Variants in TENM1 observed in about 807,000 individuals in gnomAD.
TENM1 encodes the protein teneurin-1.
In TENM1, 35 loss-of-function variants were observed where a neutral mutation model predicts 174.8. The ratio of observed to expected loss-of-function variants is 0.20; its 90% confidence interval spans 0.15 to 0.27. TENM1 has a LOEUF of 0.27. Ranked by LOEUF, TENM1 falls within the 10% of genes least tolerant of loss-of-function variation. The pLI, the probability that TENM1 is intolerant of heterozygous loss-of-function variation, is 1.00. For synonymous variants in TENM1, 781 were observed against 798.7 expected (o/e 0.98, Z 0.37); for missense variants, 1,633 against 2,130.1 (o/e 0.77, Z 4.59).
the TENM1 span, among the ~76,000 whole-genome samples, chrX:125,144,932 G>T: frequency 9.2e-6 from 1 of 109,192 alleles, no homozygotes; most frequent in African/African-American, 3.3e-5. Flanking sequence ...TTTTTTAGTA[G>T]AGACGGGGTT....
At chrX:124,900,706 AT>A (rs1397544982) in intron 1 of TENM1, among the ~76,000 whole-genome samples, 1 of 111,251 alleles carries the variant, frequency 9.0e-6, no homozygotes, top group East Asian at 2.8e-4. Flanking sequence ...GGTAGTCAAA[AT>A]GTCATCTTGC....
intron 23 of TENM1, among the ~76,000 whole-genome samples, chrX:124,446,525 T>A (rs2060967048): frequency 8.9e-6 from 1 of 112,672 alleles, no homozygotes; most frequent in African/African-American, 3.2e-5. Flanking sequence ...GATTCTTCTT[T>A]GGGCTTAGGT....
the TENM1 span, among the ~76,000 whole-genome samples, chrX:124,969,012 T>A: frequency 5.9e-4 from 66 of 112,380 alleles, no homozygotes; most frequent in East Asian, 5.8e-3. Context: ...ATGTGCTTAA[T>A]TGACTTTTTC....
chrX:124,845,363 G>A (rs1032282741), intron 3 of TENM1, among the ~76,000 whole-genome samples: 3 of 111,194 alleles, frequency 2.7e-5, no homozygotes, highest in Non-Finnish European at 3.8e-5. Context: ...GTGGGCCCTA[G>A]ATTTTGTATT....
the TENM1 span, among the ~76,000 whole-genome samples, chrX:124,996,827 TG>T: frequency 9.0e-6 from 1 of 111,395 alleles, no homozygotes; most frequent in Non-Finnish European, 1.9e-5. Context: ...CTTGCCCACT[TG>T]GCCATCATAA....
rs990001658 is a variant in TENM1, at chrX:124,657,615, C to A, written c.1169-3832G>T. Among the ~76,000 whole-genome samples, 7 of 111,762 alleles carry A rather than the reference C, an allele frequency of 6.3e-5. No homozygotes were observed. The Admixed American group carries it at 6.7e-4, about 11-fold the overall frequency. On this transcript the variant is annotated intron_variant, in intron 6 of 31. Coordinates refer to ENST00000422452, the Ensembl canonical transcript of TENM1. ...AGGAGGTAAATAACTATATTCTGCA[C>A]ATATGTGTATATTTATTTTTTCTAT... is the stretch of plus-strand genomic sequence containing the variant.
At chrX:125,144,841 G>A in the TENM1 span, among the ~76,000 whole-genome samples, 4 of 109,560 alleles carry the variant, frequency 3.7e-5, no homozygotes, top group Non-Finnish European at 7.6e-5. Flanking sequence ...GGGTTCAAGC[G>A]ATTCTCCTGC....
At chrX:124,734,706 A>T (rs1343071680) in intron 4 of TENM1, among the ~76,000 whole-genome samples, 1 of 111,678 alleles carries the variant, frequency 9.0e-6, no homozygotes, top group Non-Finnish European at 1.9e-5. Context: ...TTAATTTAAT[A>T]TGCTGCTAAA....
At chrX:124,382,052 C>A (rs746301518) in intron 31 of TENM1, among the ~76,000 whole-genome samples, 18 of 111,127 alleles carry the variant, frequency 1.6e-4, no homozygotes, top group Non-Finnish European at 1.9e-4. Context: ...TTCTATCAAG[C>A]CCATTTTGTT....
intron 18 of TENM1, among the ~76,000 whole-genome samples, chrX:124,507,147 C>G (rs923971286): frequency 9.0e-6 from 1 of 111,463 alleles, no homozygotes; most frequent in East Asian, 2.8e-4. Flanking sequence ...CTCAGAGAAG[C>G]TGTAGAAAGT....
intron 11 of TENM1, among the ~76,000 whole-genome samples, chrX:124,596,968 T>A (rs1242457268): frequency 9.0e-6 from 1 of 111,276 alleles, no homozygotes; most frequent in Non-Finnish European, 1.9e-5. Flanking sequence ...AAAACCACAA[T>A]GTAATACCAC....
At chrX:124,497,863 T>C (rs1041928216) in intron 19 of TENM1, among the ~76,000 whole-genome samples, 29 of 111,738 alleles carry the variant, frequency 2.6e-4, no homozygotes, top group African/African-American at 7.8e-4. Flanking sequence ...GTGCAGGAAA[T>C]AGAGATACTG....
the TENM1 span, among the ~76,000 whole-genome samples, chrX:125,034,064 G>A: frequency 6.3e-5 from 7 of 111,150 alleles, no homozygotes; most frequent in Non-Finnish European, 1.3e-4. Context: ...AGAAACCATG[G>A]CCCAGAGAAA....
At chrX:124,943,949 C>G (rs2058366015) in intron 1 of TENM1, among the ~76,000 whole-genome samples, 1 of 111,586 alleles carries the variant, frequency 9.0e-6, no homozygotes, top group Non-Finnish European at 1.9e-5. Flanking sequence ...TTAGGAAAAA[C>G]CTGCTGCTGA....
At chrX:124,744,222 A>T (rs2053865215) in intron 3 of TENM1, among the ~76,000 whole-genome samples, 3 of 112,105 alleles carry the variant, frequency 2.7e-5, no homozygotes, top group Non-Finnish European at 5.6e-5. Context: ...GTAATTGCTC[A>T]AACTACCTAA....
intron 11 of TENM1, among the ~76,000 whole-genome samples, chrX:124,584,099 G>C (rs1158364306): frequency 1.8e-5 from 2 of 110,450 alleles, no homozygotes; most frequent in African/African-American, 6.6e-5. Context: ...GAACCAAGTT[G>C]GAAAATGCTC....
the TENM1 span, among the ~76,000 whole-genome samples, chrX:125,182,942 T>C: frequency 8.9e-6 from 1 of 112,100 alleles, no homozygotes; most frequent in Admixed American, 9.5e-5. Context: ...AAAATAGATG[T>C]CAGAGGCATT....
Position 124,520,796 on chromosome X carries a change from A to T in TENM1, c.3034-12T>A, listed in dbSNP as rs774111378. ...TCCTCCTGTACAACCTGAAATAAAAAAAAAAAAAAAAAGCCAAATAGGCTC... is the reference window on the plus strand; with the variant it reads ...TCCTCCTGTACAACCTGAAATAAAATAAAAAAAAAAAAGCCAAATAGGCTC... On this transcript the variant is annotated splice_polypyrimidine_tract_variant and intron_variant, in intron 17 of 31. Transcript: ENST00000422452. The T allele has an allele frequency of 3.7e-6, 4 of 1,088,657 alleles. No homozygotes were observed. Among genetic ancestry groups the T allele is most frequent in the East Asian group, 3.1e-5 (1 of 32,337 alleles). 89.7% of individuals were successfully genotyped at this position (1,088,657 alleles called of 1,213,427 possible).
At position 124,693,025 on chromosome X, in the gene TENM1, GA is replaced by G. The variant is rs1196312277; in HGVS notation, c.1015+11987del. ...CTCCATCTCAAAAAAAAAAAAAAAA[GA>G]AAAAAAAAAAGAAAGAAAGAAAATG... On this transcript the variant is annotated intron_variant, in intron 5 of 31. Transcript: ENST00000422452. 6.3e-4 allele frequency among the ~76,000 whole-genome samples: 52 copies of G among 82,146 alleles called. No individual in the cohort carries two copies. In the East Asian group the frequency reaches 6.4e-3, roughly 10 times the overall value. 71.3% of individuals were successfully genotyped at this position (82,146 alleles called of 115,157 possible). A position where few individuals can be genotyped will look rare whatever the true frequency, so the allele number is the denominator to read the frequency against.
Sources: allele counts gnomAD v4.1 joint callset (sites outside exome capture counted in the v4.1 genomes callset), GRCh38; gene constraint gnomAD v4.1.1; transcripts MANE v1.5; gene names NCBI Gene and HGNC (gene_info 2026-07-23, HGNC 2026-07-21).